The following MAGI2 variants were observed in gnomAD, a reference collection of about 807,000 sequenced individuals.
The protein encoded by MAGI2 is membrane-associated guanylate kinase, WW and PDZ domain-containing protein 2.
Under a neutral mutation model 133.3 loss-of-function variants are expected in MAGI2, and 35 were observed. The ratio of observed to expected loss-of-function variants is 0.26; its 90% CI spans 0.20 to 0.35. The LOEUF (loss-of-function observed/expected upper bound fraction) is 0.35, where lower values mean the gene tolerates loss of function less well. Ranked by LOEUF, MAGI2 falls within the 10% of genes least tolerant of loss-of-function variation. The probability of loss-of-function intolerance (pLI) is 1.00; values close to 1 mark genes in which losing one functional copy is unlikely to be tolerated. For synonymous variants in MAGI2, 729 were observed against 710.6 expected (o/e 1.03, Z -0.41); for missense variants, 1,636 against 1,863.4 (o/e 0.88, Z 2.25).
intron 6 of MAGI2, among the ~76,000 whole-genome samples, chr7:78,409,995 A>G (rs1797722576): frequency 6.6e-6 from 1 of 152,006 alleles, no homozygotes; most frequent in African/African-American, 2.4e-5. Flanking sequence ...CTGTGCTGGG[A>G]TCCTGAAAGG....
chr7:79,397,629 T>G (rs1845154797), intron 1 of MAGI2, among the ~76,000 whole-genome samples: 1 of 152,144 alleles, frequency 6.6e-6, no homozygotes, highest in South Asian at 2.1e-4. Context: ...TAACATTTCT[T>G]GATATTTGTT....
intron 1 of MAGI2, among the ~76,000 whole-genome samples, chr7:79,053,099 AG>A (rs1562835540): frequency 6.6e-6 from 1 of 151,992 alleles, no homozygotes; most frequent in African/African-American, 2.4e-5. Flanking sequence ...CAGCCTCCCG[AG>A]TAGCTGGGAC....
At chr7:78,615,043 G>T (rs1413860779) in intron 3 of MAGI2, 12 of 152,024 alleles carry the variant, frequency 7.9e-5, no homozygotes, top group Admixed American at 7.9e-4. Flanking sequence ...CTCAATTTTC[G>T]CATTCCTCTG....
chr7:79,430,005 G>T (rs1218475158), intron 1 of MAGI2, among the ~76,000 whole-genome samples: 2 of 151,948 alleles, frequency 1.3e-5, no homozygotes, highest in Non-Finnish European at 2.9e-5. Flanking sequence ...CTACTATTCA[G>T]AAAATTAGAA....
At chr7:79,080,277 A>T (rs1300271358) in intron 1 of MAGI2, among the ~76,000 whole-genome samples, 3 of 152,292 alleles carry the variant, frequency 2.0e-5, no homozygotes, top group East Asian at 3.9e-4. Context: ...ACAATCAATG[A>T]CACAATGTTT....
intron 7 of MAGI2, among the ~76,000 whole-genome samples, chr7:78,361,392 CA>C (rs34120550): frequency 3.9e-4 from 50 of 126,696 alleles, no homozygotes; most frequent in Non-Finnish European, 4.5e-4. Flanking sequence ...GACTCCATCT[CA>C]AAAAAAAAAA....
chr7:78,392,985 A>T (rs372683137), intron 6 of MAGI2, among the ~76,000 whole-genome samples: 40 of 152,242 alleles, frequency 2.6e-4, no homozygotes, highest in African/African-American at 9.1e-4. Context: ...TTACATCATT[A>T]GTACATAGCA....
chr7:78,701,122 A>G (rs1349508107), intron 2 of MAGI2, among the ~76,000 whole-genome samples: 2 of 151,796 alleles, frequency 1.3e-5, no homozygotes, highest in Non-Finnish European at 2.9e-5. Context: ...CCATTATAAA[A>G]ATTTTACAGT....
At chr7:78,108,772 ATG>A (rs1304187578) in intron 20 of MAGI2, among the ~76,000 whole-genome samples, 1 of 151,826 alleles carries the variant, frequency 6.6e-6, no homozygotes, top group East Asian at 1.9e-4. Context: ...GTGTGTATAT[ATG>A]TGTTTGTGTG....
intron 2 of MAGI2, among the ~76,000 whole-genome samples, chr7:78,885,354 T>C (rs980002114): frequency 1.3e-5 from 2 of 152,204 alleles, no homozygotes; most frequent in Admixed American, 6.5e-5. Flanking sequence ...GCTAATACTA[T>C]TGAAACACTA....
intron 18 of MAGI2, among the ~76,000 whole-genome samples, chr7:78,129,040 C>G (rs1383415436): frequency 6.6e-6 from 1 of 152,202 alleles, no homozygotes; most frequent in East Asian, 1.9e-4. Flanking sequence ...GGATGTCACA[C>G]TGTTTTAAGT....
Position 78,627,037 on chromosome 7 carries a change from T to G in MAGI2, c.538+83A>C, listed in dbSNP as rs985092792. Reference sequence around the variant, plus strand: ...TCTCAAACCCAAAACAGCCCATTAGTAACCTGGTGTCCCCGTGCATTTCCA... The same window carrying G: ...TCTCAAACCCAAAACAGCCCATTAGGAACCTGGTGTCCCCGTGCATTTCCA... On this transcript the variant is annotated intron_variant, in intron 3 of 21. Transcript: ENST00000354212. 2.9e-6 allele frequency: 4 copies of G among 1,396,302 alleles called. No individual in the cohort carries two copies. In the East Asian group the frequency reaches 7.9e-5, roughly 28 times the overall value. 86.5% of individuals were successfully genotyped at this position (1,396,302 alleles called of 1,614,324 possible). A position where few individuals can be genotyped will look rare whatever the true frequency, so the allele number is the denominator to read the frequency against.
intron 6 of MAGI2, among the ~76,000 whole-genome samples, chr7:78,382,413 T>A (rs1296054817): frequency 1.3e-5 from 2 of 152,082 alleles, no homozygotes; most frequent in Non-Finnish European, 2.9e-5. Context: ...CTTACATGTG[T>A]ACAAAATTGC....
intron 1 of MAGI2, among the ~76,000 whole-genome samples, chr7:79,396,058 A>G (rs1170990862): frequency 6.6e-6 from 1 of 152,182 alleles, no homozygotes; most frequent in East Asian, 1.9e-4. Flanking sequence ...ATCTTGAATC[A>G]TTTAGCTATG....
intron 9 of MAGI2, among the ~76,000 whole-genome samples, chr7:78,343,479 A>G (rs1375254305): frequency 6.6e-6 from 1 of 152,212 alleles, no homozygotes; most frequent in Non-Finnish European, 1.5e-5. Context: ...AATGTTAATC[A>G]CACCCCTAAG....
At chr7:79,332,928 T>C (rs1417279115) in intron 1 of MAGI2, among the ~76,000 whole-genome samples, 2 of 152,142 alleles carry the variant, frequency 1.3e-5, no homozygotes, top group Non-Finnish European at 2.9e-5. Context: ...TGCGCATAAA[T>C]ATGAAAACCT....
intron 2 of MAGI2, among the ~76,000 whole-genome samples, chr7:78,740,649 G>A (rs1016980756): frequency 6.6e-6 from 1 of 152,146 alleles, no homozygotes; most frequent in African/African-American, 2.4e-5. Flanking sequence ...TCAGTTTTTA[G>A]CATCACTGAT....
chr7:78,172,230 C>T (rs541420401), intron 14 of MAGI2, among the ~76,000 whole-genome samples: 4 of 152,264 alleles, frequency 2.6e-5, no homozygotes, highest in South Asian at 2.1e-4. Context: ...GCCTTTTGAT[C>T]GCTTTCATTC....
chr7:78,979,300 C>T (rs191650125), intron 2 of MAGI2, among the ~76,000 whole-genome samples: 156 of 151,794 alleles, frequency 1.0e-3, no homozygotes, highest in South Asian at 8.3e-3. Flanking sequence ...TTATATAAGA[C>T]GAGCTTGGAG....
Sources: gnomAD v4.1 joint callset for allele counts (sites outside exome capture counted in the v4.1 genomes callset) on GRCh38, gnomAD v4.1.1 for gene constraint, MANE v1.5 for transcripts, NCBI Gene and HGNC (gene_info 2026-07-23, HGNC 2026-07-21) for gene names.